The following TMEM196 variants were observed in gnomAD, a reference collection of about 807,000 sequenced individuals.
TMEM196 encodes the protein transmembrane protein 196.
Under a neutral mutation model 20.0 loss-of-function variants are expected in TMEM196, and 17 were observed. The ratio of observed to expected loss-of-function variants is 0.85; its 90% CI spans 0.58 to 1.27. The LOEUF is 1.27. TMEM196 is among the 50% of genes most tolerant of loss of function. TMEM196 has a pLI of 0.00. For missense variants in TMEM196, 267 were observed against 223.0 expected, an observed-to-expected ratio of 1.20 and a Z score of -1.26; for synonymous variants, 113 against 88.9, an observed-to-expected ratio of 1.27 and a Z score of -1.52.
intron 1 of TMEM196, among the ~76,000 whole-genome samples, chr7:19,730,274 AAAG>A (rs2128016314): frequency 6.6e-6 from 1 of 152,122 alleles, no homozygotes; most frequent in African/African-American, 2.4e-5. Flanking sequence ...AAAAAAAAAA[AAAG>A]AACACAAAGG....
At chr7:19,753,031 G>A (rs1190070226) in intron 1 of TMEM196, among the ~76,000 whole-genome samples, 2 of 152,126 alleles carry the variant, frequency 1.3e-5, no homozygotes, top group Non-Finnish European at 2.9e-5. Flanking sequence ...TACAGCCAAA[G>A]TGCACTTAAA....
intron 1 of TMEM196, among the ~76,000 whole-genome samples, chr7:19,771,036 A>C (rs928872700): frequency 6.6e-6 from 1 of 152,166 alleles, no homozygotes; most frequent in Non-Finnish European, 1.5e-5. Flanking sequence ...CTTTCCCTAA[A>C]TGTTGACATT....
intron 1 of TMEM196, among the ~76,000 whole-genome samples, chr7:19,745,260 A>C (rs1261355864): frequency 1.3e-5 from 2 of 152,104 alleles, no homozygotes; most frequent in African/African-American, 4.8e-5. Context: ...CAATTTTTAA[A>C]AAATCTGCAG....
At chr7:19,729,235 A>G (rs981527565) in intron 2 of TMEM196, 147 bp downstream of exon 2, 8 of 587,190 alleles carry the variant, frequency 1.4e-5, no homozygotes, top group Non-Finnish European at 2.1e-5. Flanking sequence ...TGAAAACAGA[A>G]AAGGCAGGAT....
chr7:19,726,568 A>G (rs910987735), intron 2 of TMEM196, among the ~76,000 whole-genome samples: 21 of 152,144 alleles, frequency 1.4e-4, no homozygotes, highest in African/African-American at 5.1e-4. Context: ...CGTTTTAGAG[A>G]AACAGATGAT....
At position 19,772,441 on chromosome 7, in the gene TMEM196, T is replaced by C. The variant is rs1000484980; in HGVS notation, c.147+109A>G. On this transcript the variant is annotated intron_variant, in intron 1 of 4. Coordinates refer to ENST00000405844, the MANE Select transcript of TMEM196 (RefSeq NM_001363562.2). ...AACCTACATGCAAGCCAGAGATCTA[T>C]GATTTTGTTTCCCAGGGAGGGAGTG... 1.8e-5 allele frequency: 23 copies of C among 1,248,802 alleles called. No individual in the cohort carries two copies. In the African/African-American group the frequency reaches 2.8e-4, roughly 15 times the overall value. 77.4% of individuals were successfully genotyped at this position (1,248,802 alleles called of 1,614,324 possible).
rs1783983768 is a variant in TMEM196 at position 19,725,868 on chromosome 7, A to G, written c.205-100T>C. 6 of 1,370,976 alleles carry G rather than the reference A, an allele frequency of 4.4e-6. No homozygotes were observed. In the South Asian group the frequency reaches 4.8e-5, roughly 11 times the overall value. 84.9% of individuals were successfully genotyped at this position (1,370,976 alleles called of 1,614,324 possible). A position where few individuals can be genotyped will look rare whatever the true frequency, so the allele number is the denominator to read the frequency against. ...GCATGTCAAGGATGACTAGCCTACA[A>G]TAAAGAAGAATAAGCGGTTTTGGTG... On this transcript the variant is annotated intron_variant, in intron 2 of 4. Coordinates refer to ENST00000405844, the MANE Select transcript of TMEM196 (RefSeq NM_001363562.2).
At chr7:19,727,884 G>A (rs913761830) in intron 2 of TMEM196, among the ~76,000 whole-genome samples, 1 of 151,924 alleles carries the variant, frequency 6.6e-6, no homozygotes, top group Non-Finnish European at 1.5e-5. Context: ...ATTTCACCAG[G>A]TTGGAGACTC....
At chr7:19,744,981 G>T (rs1784702056) in intron 1 of TMEM196, among the ~76,000 whole-genome samples, 1 of 151,776 alleles carries the variant, frequency 6.6e-6, no homozygotes, top group African/African-American at 2.4e-5. Flanking sequence ...TCCTTATTGT[G>T]CCCATTACAG....
intron 4 of TMEM196, among the ~76,000 whole-genome samples, chr7:19,722,941 A>ATCAAC (rs1783861370): frequency 2.0e-5 from 3 of 152,190 alleles, no homozygotes; most frequent in African/African-American, 7.2e-5. Flanking sequence ...AGAGCACCAT[A>ATCAAC]GTAAAATTAT....
chr7:19,748,263 CAAA>C (rs57276805), intron 1 of TMEM196, among the ~76,000 whole-genome samples: 13 of 20,780 alleles, frequency 6.3e-4, no homozygotes, highest in South Asian at 2.3e-3. Flanking sequence ...TGTGGCTGTC[CAAA>C]AAAAAAAAAA....
intron 1 of TMEM196, among the ~76,000 whole-genome samples, chr7:19,752,027 T>G (rs984530062): frequency 6.6e-6 from 1 of 152,250 alleles, no homozygotes; most frequent in African/African-American, 2.4e-5. Flanking sequence ...AAAGGAAGTC[T>G]TCGAAATGCT....
chr7:19,736,353 CTATATATATATATATATA>C (rs71017071), intron 1 of TMEM196, among the ~76,000 whole-genome samples: 4,662 of 37,856 alleles, frequency 0.12, 233 homozygotes, highest in South Asian at 0.16. Context: ...GTGGTTCCTA[CTATATATATATATATATA>C]TATATATATA....
intron 1 of TMEM196, among the ~76,000 whole-genome samples, chr7:19,745,264 T>A (rs919264918): frequency 1.3e-5 from 2 of 152,166 alleles, no homozygotes; most frequent in Non-Finnish European, 2.9e-5. Flanking sequence ...TTTTAAAAAA[T>A]CTGCAGTTGG....
intron 1 of TMEM196, among the ~76,000 whole-genome samples, chr7:19,754,350 A>C (rs1312154308): frequency 6.6e-6 from 1 of 152,212 alleles, no homozygotes; most frequent in Non-Finnish European, 1.5e-5. Flanking sequence ...ATTTATATTC[A>C]AATTCTCAGC....
rs578088711 is a variant in TMEM196, at chr7:19,722,968, A to C, written c.534-834T>G. Among the ~76,000 whole-genome samples the C allele has an allele frequency of 2.0e-5, 3 of 152,270 alleles. No homozygotes were observed. In the South Asian group the frequency reaches 6.2e-4, roughly 32 times the overall value. On this transcript the variant is annotated intron_variant, in intron 4 of 4. Transcript: ENST00000405844. Reference sequence around the variant, plus strand: ...TAAAATTATGTTGATAAAATTATCTAAAAATAAATTGGCAGCATCTTTCCA... The same window carrying C: ...TAAAATTATGTTGATAAAATTATCTCAAAATAAATTGGCAGCATCTTTCCA...
chr7:19,761,997 GT>G (rs1157025088), intron 1 of TMEM196, among the ~76,000 whole-genome samples: 1 of 151,866 alleles, frequency 6.6e-6, no homozygotes, highest in African/African-American at 2.4e-5. Context: ...TTTTGTGATC[GT>G]TTTTTCTTTT....
chr7:19,727,555 A>G (rs1342688783), intron 2 of TMEM196, among the ~76,000 whole-genome samples: 1 of 152,226 alleles, frequency 6.6e-6, no homozygotes, highest in Non-Finnish European at 1.5e-5. Flanking sequence ...TTGTAGCTCA[A>G]GATGCCTAGT....
At chr7:19,723,809 C>G (rs1783893039) in intron 4 of TMEM196, among the ~76,000 whole-genome samples, 1 of 152,154 alleles carries the variant, frequency 6.6e-6, no homozygotes, top group Non-Finnish European at 1.5e-5. Flanking sequence ...AAATGCATCA[C>G]ATAAGATAAT....
Sources: gnomAD v4.1 joint callset for allele counts (sites outside exome capture counted in the v4.1 genomes callset) on GRCh38, gnomAD v4.1.1 for gene constraint, MANE v1.5 for transcripts, NCBI Gene and HGNC (gene_info 2026-07-23, HGNC 2026-07-21) for gene names.